TAFA5: variants seen among roughly 807,000 people sequenced by gnomAD.
The protein encoded by TAFA5 is chemokine-like protein TAFA-5.
Under a neutral mutation model 15.3 loss-of-function variants are expected in TAFA5, and 6 were observed. The observed-to-expected ratio is 0.39, with a 90% CI of 0.21 to 0.77. The LOEUF (loss-of-function observed/expected upper bound fraction) is 0.77. Ranked by LOEUF, TAFA5 falls within the 30% of genes least tolerant of loss-of-function variation. The probability of loss-of-function intolerance (pLI) is 0.41; values close to 1 mark genes in which losing one functional copy is unlikely to be tolerated. For missense variants in TAFA5, 161 were observed against 193.1 expected (o/e 0.83, Z 0.98); for synonymous variants, 103 against 80.7 (o/e 1.28, Z -1.48).
chr22:48,589,182 G>A (rs1924469150), intron 1 of TAFA5, among the ~76,000 whole-genome samples: 1 of 152,244 alleles, frequency 6.6e-6, no homozygotes, highest in Admixed American at 6.5e-5. Context: ...GCTGGCCTCA[G>A]TTTGGCATGC....
In TAFA5 at chr22:48,588,541, G is replaced by A. The variant is rs199591515; in HGVS notation, c.113-58056G>A. The stretch of plus-strand genomic sequence containing the variant: ...AGTTGACAGTGGGACTCCTCACCCC[G>A]TCCCCTGTGTTGGACTCGAAGTGGG... On this transcript the variant is annotated intron_variant, in intron 1 of 3. Transcript: ENST00000402357. Among the ~76,000 whole-genome samples the A allele has an allele frequency of 5.9e-5, 9 of 152,270 alleles. No individual in the cohort carries two copies. In the East Asian group the frequency reaches 1.4e-3, roughly 23 times the overall value.
intron 1 of TAFA5, among the ~76,000 whole-genome samples, chr22:48,587,273 C>G (rs1479500362): frequency 6.6e-6 from 1 of 152,278 alleles, no homozygotes; most frequent in East Asian, 1.9e-4. Flanking sequence ...GTCTGCACAC[C>G]TAGGTTCATC....
In TAFA5 at chr22:48,696,359, T is replaced by C. The variant is rs1275715450; in HGVS notation, c.263-11358T>C. Among the ~76,000 whole-genome samples, 5 of 152,124 alleles carry C rather than the reference T, an allele frequency of 3.3e-5. No homozygotes were observed. In the East Asian group the frequency reaches 7.7e-4, roughly 23 times the overall value. ...CACTCTTCCCTCTTTTCTCACTCCT[T>C]CCTTCCATCCTTCCCTCTTCTCCTC... On this transcript the variant is annotated intron_variant, in intron 2 of 3. Coordinates refer to ENST00000402357, the MANE Select transcript of TAFA5 (RefSeq NM_001082967.3).
At chr22:48,683,900 C>T (rs1387320918) in intron 2 of TAFA5, among the ~76,000 whole-genome samples, 1 of 152,160 alleles carries the variant, frequency 6.6e-6, no homozygotes, top group Non-Finnish European at 1.5e-5. Flanking sequence ...GCCGGCTCTC[C>T]CTCCTGCCTC....
chr22:48,592,121 G>GGCCTGA (rs1259119845), intron 1 of TAFA5, among the ~76,000 whole-genome samples: 1 of 152,224 alleles, frequency 6.6e-6, no homozygotes, highest in Non-Finnish European at 1.5e-5. Context: ...CTGAGGCCTG[G>GGCCTGA]GCCTGAGCCA....
At chr22:48,737,232 C>T (rs1601707811) in intron 3 of TAFA5, among the ~76,000 whole-genome samples, 1 of 152,204 alleles carries the variant, frequency 6.6e-6, no homozygotes, top group Non-Finnish European at 1.5e-5. Flanking sequence ...TTGTCCTGAA[C>T]GTGGACACAG....
intron 1 of TAFA5, among the ~76,000 whole-genome samples, chr22:48,592,545 G>A (rs1340538442): frequency 1.3e-5 from 2 of 152,194 alleles, no homozygotes; most frequent in African/African-American, 4.8e-5. Flanking sequence ...GATTTGGGCT[G>A]AAGAACCACG....
intron 2 of TAFA5, among the ~76,000 whole-genome samples, chr22:48,666,192 A>G (rs1281295997): frequency 6.6e-6 from 1 of 152,018 alleles, no homozygotes; most frequent in Admixed American, 6.5e-5. Flanking sequence ...AGGTTCAAAT[A>G]TGATCGCAGC....
At chr22:48,683,703 T>C (rs972940227) in intron 2 of TAFA5, among the ~76,000 whole-genome samples, 4 of 152,234 alleles carry the variant, frequency 2.6e-5, no homozygotes, top group Non-Finnish European at 5.9e-5. Context: ...AAACTTGTCA[T>C]TGGCAATACG....
chr22:48,634,157 C>T (rs982742147), intron 1 of TAFA5, among the ~76,000 whole-genome samples: 17 of 150,448 alleles, frequency 1.1e-4, no homozygotes, highest in African/African-American at 3.2e-4. Context: ...TATTCACTCA[C>T]TTATTCAATC....
intron 1 of TAFA5, among the ~76,000 whole-genome samples, chr22:48,542,650 G>GGTGTGTGTGTGGT (rs1922492282): frequency 7.4e-5 from 4 of 54,272 alleles, no homozygotes; most frequent in Admixed American, 3.8e-4. Context: ...GTGTGTGTGT[G>GGTGTGTGTGTGGT]GTGTGTGTGT....
At chr22:48,584,854 G>A (rs909546748) in intron 1 of TAFA5, among the ~76,000 whole-genome samples, 2 of 132,514 alleles carry the variant, frequency 1.5e-5, no homozygotes, top group South Asian at 5.1e-4. Context: ...CACACAACAC[G>A]CTAAATACAC....
At chr22:48,717,206 T>C (rs1171369371) in intron 3 of TAFA5, among the ~76,000 whole-genome samples, 1 of 152,204 alleles carries the variant, frequency 6.6e-6, no homozygotes, top group Non-Finnish European at 1.5e-5. Context: ...AGCAGCGTCG[T>C]CGGGTTCTCA....
chr22:48,694,765 G>T (rs1485190979), intron 2 of TAFA5, among the ~76,000 whole-genome samples: 2 of 149,886 alleles, frequency 1.3e-5, no homozygotes, highest in African/African-American at 5.0e-5. Flanking sequence ...GCTGCCCACC[G>T]CTCAGACCTC....
intron 3 of TAFA5, among the ~76,000 whole-genome samples, chr22:48,743,313 C>T (rs1406017194): frequency 1.3e-5 from 2 of 152,194 alleles, no homozygotes; most frequent in Non-Finnish European, 2.9e-5. Context: ...CTCTTGCAGC[C>T]GCTGTGGCTG....
chr22:48,542,565 GT>G (rs1569019205), intron 1 of TAFA5, among the ~76,000 whole-genome samples: 2 of 8,574 alleles, frequency 2.3e-4, no homozygotes, highest in African/African-American at 6.9e-4. Context: ...TGTGTGTGTG[GT>G]GTGTGTGGTG....
At chr22:48,579,402 C>T (rs569363713) in intron 1 of TAFA5, among the ~76,000 whole-genome samples, 1 of 152,168 alleles carries the variant, frequency 6.6e-6, no homozygotes, top group African/African-American at 2.4e-5. Context: ...AGGGGAGAGC[C>T]GTCCTTTCTT....
intron 3 of TAFA5, among the ~76,000 whole-genome samples, chr22:48,744,327 TG>T (rs1259974540): frequency 6.6e-6 from 1 of 152,218 alleles, no homozygotes; most frequent in African/African-American, 2.4e-5. Flanking sequence ...TGTGGTTCTC[TG>T]GTGACCCCAG....
At chr22:48,513,597 C>T (rs1024985052) in intron 1 of TAFA5, among the ~76,000 whole-genome samples, 2 of 152,240 alleles carry the variant, frequency 1.3e-5, no homozygotes, top group Non-Finnish European at 2.9e-5. Flanking sequence ...GTGCTCTGAG[C>T]GAGACATGGC....
Sources: allele counts gnomAD v4.1 joint callset (sites outside exome capture counted in the v4.1 genomes callset), GRCh38; gene constraint gnomAD v4.1.1; transcripts MANE v1.5; gene names NCBI Gene and HGNC (gene_info 2026-07-23, HGNC 2026-07-21).